ADGRL3: variants seen among roughly 807,000 people sequenced by gnomAD.
The protein encoded by ADGRL3 is adhesion G protein-coupled receptor L3.
In ADGRL3, 62 loss-of-function variants were observed where a neutral mutation model predicts 153.5. The ratio of observed to expected loss-of-function variants is 0.40; its 90% CI spans 0.33 to 0.50. The LOEUF (loss-of-function observed/expected upper bound fraction) is 0.50, where lower values mean the gene tolerates loss of function less well. Ranked by LOEUF, ADGRL3 falls within the 20% of genes least tolerant of loss-of-function variation. The probability of loss-of-function intolerance (pLI) is 0.47; values close to 1 mark genes in which losing one functional copy is unlikely to be tolerated. For missense variants in ADGRL3, 1,641 were observed against 1,859.4 expected, an observed-to-expected ratio of 0.88 and a Z score of 2.16; for synonymous variants, 710 against 672.5, an observed-to-expected ratio of 1.06 and a Z score of -0.86.
intron 6 of ADGRL3, among the ~76,000 whole-genome samples, chr4:61,686,547 A>G (rs376933755): frequency 6.6e-6 from 1 of 152,140 alleles, no homozygotes; most frequent in Non-Finnish European, 1.5e-5. Context: ...TATGGGGTAC[A>G]GTGTGGCATT....
intron 10 of ADGRL3, among the ~76,000 whole-genome samples, chr4:61,895,507 A>G (rs1280703259): frequency 1.3e-5 from 2 of 151,950 alleles, no homozygotes; most frequent in African/African-American, 2.4e-5. Context: ...AATAGTCCCC[A>G]TACCTAATGT....
chr4:61,971,134 AT>A (rs932806321), intron 17 of ADGRL3, among the ~76,000 whole-genome samples: 3 of 151,558 alleles, frequency 2.0e-5, no homozygotes, highest in Non-Finnish European at 2.9e-5. Context: ...AATTTTTTAA[AT>A]TTTTTTATTT....
chr4:61,986,044 CT>C (rs746543532), intron 19 of ADGRL3, among the ~76,000 whole-genome samples: 3 of 150,560 alleles, frequency 2.0e-5, no homozygotes, highest in Non-Finnish European at 4.4e-5. Flanking sequence ...AAAATTCAGT[CT>C]TTAAAGCATA....
intron 23 of ADGRL3, among the ~76,000 whole-genome samples, chr4:62,035,474 A>G (rs569743592): frequency 6.6e-6 from 1 of 152,032 alleles, no homozygotes; most frequent in Non-Finnish European, 1.5e-5. Context: ...TTTGCTGTGT[A>G]CCTCAGGAAA....
At chr4:61,326,066 C>T (rs1320092835) in intron 1 of ADGRL3, among the ~76,000 whole-genome samples, 1 of 152,132 alleles carries the variant, frequency 6.6e-6, no homozygotes, top group Non-Finnish European at 1.5e-5. Context: ...GATTCCAACA[C>T]CTATGATTTT....
intron 4 of ADGRL3, among the ~76,000 whole-genome samples, chr4:61,533,366 G>A (rs2098635389): frequency 6.6e-6 from 1 of 152,150 alleles, no homozygotes; most frequent in Non-Finnish European, 1.5e-5. Context: ...CCTCTGGGCT[G>A]TGTGTATGAG....
chr4:61,671,941 G>A (rs2095021796), intron 5 of ADGRL3, among the ~76,000 whole-genome samples: 3 of 152,062 alleles, frequency 2.0e-5, no homozygotes, highest in Admixed American at 1.3e-4. Context: ...ATTGAGGGTA[G>A]CATTATTCAT....
At chr4:61,210,296 G>A (rs367599026) in intron 1 of ADGRL3, among the ~76,000 whole-genome samples, 1 of 152,038 alleles carries the variant, frequency 6.6e-6, no homozygotes, top group African/African-American at 2.4e-5. Flanking sequence ...AAGTAGAAAC[G>A]ACACTCCCTC....
At chr4:61,582,097 G>C (rs2098928297) in intron 4 of ADGRL3, among the ~76,000 whole-genome samples, 1 of 151,974 alleles carries the variant, frequency 6.6e-6, no homozygotes, top group Non-Finnish European at 1.5e-5. Context: ...TTTTATAATT[G>C]TAGCAAACAG....
chr4:61,771,098 G>T (rs922153745), intron 8 of ADGRL3, among the ~76,000 whole-genome samples: 2 of 152,170 alleles, frequency 1.3e-5, no homozygotes, highest in Non-Finnish European at 2.9e-5. Flanking sequence ...AGGGCTTAAG[G>T]TGTGAATTCT....
At chr4:61,370,730 T>G (rs948681926) in intron 1 of ADGRL3, among the ~76,000 whole-genome samples, 34 of 151,828 alleles carry the variant, frequency 2.2e-4, no homozygotes, top group African/African-American at 6.7e-4. Flanking sequence ...GAGAGTTCTG[T>G]AGATGTCTAT....
At chr4:61,869,309 A>G (rs2098421406) in intron 9 of ADGRL3, among the ~76,000 whole-genome samples, 1 of 152,152 alleles carries the variant, frequency 6.6e-6, no homozygotes, top group Non-Finnish European at 1.5e-5. Context: ...TGAGAGATTT[A>G]AAAATGAGGC....
chr4:61,663,775 T>C (rs188064162), intron 5 of ADGRL3, among the ~76,000 whole-genome samples: 2 of 152,386 alleles, frequency 1.3e-5, no homozygotes, highest in Admixed American at 6.5e-5. Context: ...CTCAGTCATA[T>C]GTAAGTTATG....
intron 4 of ADGRL3, among the ~76,000 whole-genome samples, chr4:61,552,918 T>G (rs1228891198): frequency 6.6e-6 from 1 of 152,212 alleles, no homozygotes; most frequent in Non-Finnish European, 1.5e-5. Flanking sequence ...ATTGGTCTAT[T>G]CCATAAATAT....
At chr4:62,007,925 G>A (rs931276851) in intron 21 of ADGRL3, among the ~76,000 whole-genome samples, 3 of 152,144 alleles carry the variant, frequency 2.0e-5, no homozygotes, top group Non-Finnish European at 4.4e-5. Flanking sequence ...CCTGCAAAGT[G>A]GATTGAGGAG....
At chr4:61,371,466 A>T (rs1188422618) in intron 1 of ADGRL3, among the ~76,000 whole-genome samples, 2 of 151,736 alleles carry the variant, frequency 1.3e-5, no homozygotes, top group African/African-American at 4.8e-5. Flanking sequence ...TCTGTAAAGT[A>T]TTTTATTTCT....
intron 1 of ADGRL3, among the ~76,000 whole-genome samples, chr4:61,332,946 T>C (rs1167892541): frequency 6.6e-6 from 1 of 152,168 alleles, no homozygotes; most frequent in East Asian, 1.9e-4. Flanking sequence ...GGTGAACTTC[T>C]CACCCTTGTG....
At chr4:61,971,987 C>T (rs1292864076) in intron 17 of ADGRL3, among the ~76,000 whole-genome samples, 2 of 152,118 alleles carry the variant, frequency 1.3e-5, no homozygotes, top group South Asian at 4.2e-4. Flanking sequence ...ATCCTTTGCC[C>T]ACTTTTTGAT....
At chr4:62,009,895 G>A (rs182003210) in intron 21 of ADGRL3, among the ~76,000 whole-genome samples, 9 of 152,106 alleles carry the variant, frequency 5.9e-5, no homozygotes, top group South Asian at 2.1e-4. Flanking sequence ...AAATTTAATC[G>A]TTTAATAGAA....
Sources: allele counts gnomAD v4.1 joint callset (sites outside exome capture counted in the v4.1 genomes callset), GRCh38; gene constraint gnomAD v4.1.1; transcripts MANE v1.5; gene names NCBI Gene and HGNC (gene_info 2026-07-23, HGNC 2026-07-21).